ZNF185: variants seen among roughly 807,000 people sequenced by gnomAD.
ZNF185 encodes zinc finger protein 185.
A neutral mutation model predicts 58.6 loss-of-function variants in ZNF185; 56 were observed. That is an observed-to-expected ratio of 0.95 (90% CI 0.77 to 1.19). The LOEUF is 1.19. ZNF185 is among the 50% of genes most tolerant of loss of function. The pLI is 0.00. For missense variants in ZNF185, 627 were observed against 573.5 expected (o/e 1.09, Z -0.95); for synonymous variants, 230 against 215.9 (o/e 1.07, Z -0.57).
chrX:152,970,812 G>C (rs1392982735), intron 22 of ZNF185, among the ~76,000 whole-genome samples: 1 of 110,974 alleles, frequency 9.0e-6, no homozygotes, highest in Non-Finnish European at 1.9e-5. Flanking sequence ...TGGGATACTC[G>C]CTCGGCCGCT....
intron 14 of ZNF185, among the ~76,000 whole-genome samples, chrX:152,935,844 T>A (rs2046219110): frequency 8.9e-6 from 1 of 111,839 alleles, no homozygotes; most frequent in Non-Finnish European, 1.9e-5. Flanking sequence ...CAGTGATTGT[T>A]CAGCATGCCG....
At chrX:152,962,228 G>A (rs2049574507) in intron 17 of ZNF185, among the ~76,000 whole-genome samples, 1 of 110,729 alleles carries the variant, frequency 9.0e-6, no homozygotes, top group Non-Finnish European at 1.9e-5. Context: ...AGGTGAGGGA[G>A]AGGAGGCTAT....
intron 19 of ZNF185, among the ~76,000 whole-genome samples, chrX:152,966,258 C>T (rs781936018): frequency 9.0e-6 from 1 of 111,359 alleles, no homozygotes; most frequent in Admixed American, 9.5e-5. Flanking sequence ...CCACCTGCCT[C>T]GGCCTCCCCT....
chrX:152,945,096 G>A (rs1556893350), intron 15 of ZNF185, among the ~76,000 whole-genome samples, 171 bp from the exon 18 acceptor site: 1 of 113,104 alleles, frequency 8.8e-6, no homozygotes, highest in Non-Finnish European at 1.9e-5. Flanking sequence ...CTGCCAAGGA[G>A]GAGACTGTCT....
chrX:152,960,925 T>A (rs1349747942), intron 17 of ZNF185, among the ~76,000 whole-genome samples: 1 of 112,364 alleles, frequency 8.9e-6, no homozygotes, highest in Non-Finnish European at 1.9e-5. Context: ...CAGAATTTTC[T>A]GGCTCTCACA....
At chrX:152,906,430 C>T in the ZNF185 span, among the ~76,000 whole-genome samples, 1 of 113,350 alleles carries the variant, frequency 8.8e-6, no homozygotes, top group East Asian at 2.8e-4. Context: ...CAGAGCTTTC[C>T]TGAAACACAG....
chrX:152,937,293 G>A (rs1247203882), intron 14 of ZNF185, among the ~76,000 whole-genome samples: 1 of 111,903 alleles, frequency 8.9e-6, no homozygotes, highest in Admixed American at 9.4e-5. Context: ...CTCTTACACA[G>A]CTTTCTCAAA....
the ZNF185 span, among the ~76,000 whole-genome samples, chrX:152,899,757 C>T: frequency 8.9e-6 from 1 of 112,073 alleles, no homozygotes; most frequent in South Asian, 3.7e-4. Context: ...CTGGGAAGAT[C>T]AGGGAAGGCT....
exon 19 of ZNF185, chrX:152,965,447 C>T (rs1556913708): frequency 8.5e-7 from 1 of 1,177,453 alleles, no homozygotes; most frequent in East Asian, 3.1e-5. Context: ...CCTTCTACAG[C>T]AAAGGGATTC....
At chrX:152,900,284 T>C in the ZNF185 span, among the ~76,000 whole-genome samples, 1 of 112,372 alleles carries the variant, frequency 8.9e-6, no homozygotes, top group African/African-American at 3.2e-5. Flanking sequence ...CCAAGCAAAC[T>C]CCCCCAATTC....
intron 19 of ZNF185, 39 bp downstream of exon 21, chrX:152,965,566 C>T (rs782417575): frequency 3.7e-5 from 40 of 1,068,226 alleles, no homozygotes; most frequent in Non-Finnish European, 5.1e-5. Context: ...TCGGCCTTCT[C>T]CTGCCGGCTC....
chrX:152,963,640 G>A (rs2049787243), intron 17 of ZNF185, among the ~76,000 whole-genome samples, 199 bp from the exon 20 acceptor site: 1 of 112,126 alleles, frequency 8.9e-6, no homozygotes, highest in Non-Finnish European at 1.9e-5. Flanking sequence ...TCTTGCTACT[G>A]ACTCACGATG....
chrX:152,941,751 G>T (rs1226788472), intron 15 of ZNF185: 1 of 1,164,211 alleles, frequency 8.6e-7, no homozygotes, highest in Non-Finnish European at 1.1e-6. Context: ...GGATTCTCTT[G>T]AGGCCATGCC....
At chrX:152,924,444 T>C (rs1233846820) in intron 11 of ZNF185, among the ~76,000 whole-genome samples, 1 of 110,515 alleles carries the variant, frequency 9.0e-6, no homozygotes, top group East Asian at 2.9e-4. Context: ...TATAAGGACA[T>C]TGGTCCAACT....
At chrX:152,909,904 CT>C (rs1223634856), upstream of ZNF185, among the ~76,000 whole-genome samples, 845 of 90,207 alleles carry the variant, frequency 9.4e-3, 7 homozygotes, top group African/African-American at 0.033. Context: ...GGCATCAACT[CT>C]TTTTTTTTTT....
At chrX:152,915,281 A>G (rs1262254925) in intron 3 of ZNF185, 78 bp downstream of exon 4, 19 of 1,040,208 alleles carry the variant, frequency 1.8e-5, no homozygotes, top group Non-Finnish European at 2.4e-5. Flanking sequence ...CTCAACAGGG[A>G]GGGGTGGGCA....
chrX:152,963,907 A>G (rs1448685997), exon 18 of ZNF185: 1 of 1,211,461 alleles, frequency 8.3e-7, no homozygotes, highest in East Asian at 3.0e-5. Context: ...CCTCACATTT[A>G]TATTCCAGCC....
upstream of ZNF185, among the ~76,000 whole-genome samples, chrX:152,912,420 G>A (rs1375267425): frequency 2.7e-5 from 3 of 112,153 alleles, no homozygotes; most frequent in Non-Finnish European, 1.9e-5. Context: ...TTTGGAAGTG[G>A]CTTATTTGGT....
At chrX:152,965,315 C>T (rs2049992843) in intron 18 of ZNF185, 132 bp from the exon 21 acceptor site, 3 of 498,919 alleles carry the variant, frequency 6.0e-6, no homozygotes, top group Non-Finnish European at 6.7e-6. Flanking sequence ...TTATCCTGGG[C>T]CTTCCCATGA....
Sources: gnomAD v4.1 joint callset for allele counts (sites outside exome capture counted in the v4.1 genomes callset) on GRCh38, gnomAD v4.1.1 for gene constraint, MANE v1.5 for transcripts, NCBI Gene and HGNC (gene_info 2026-07-23, HGNC 2026-07-21) for gene names.